The following MACC1 variants were observed in gnomAD, a reference collection of about 807,000 sequenced individuals.
The protein encoded by MACC1 is MET transcriptional regulator MACC1.
Under a neutral mutation model 70.7 loss-of-function variants are expected in MACC1, and 79 were observed. The ratio of observed to expected loss-of-function variants is 1.12; its 90% CI spans 0.93 to 1.35. MACC1 has a LOEUF of 1.35. MACC1 is among the 40% of genes most tolerant of loss of function. The probability of loss-of-function intolerance (pLI) is 0.00; values close to 1 mark genes in which losing one functional copy is unlikely to be tolerated. For synonymous variants in MACC1, 361 were observed against 347.2 expected (o/e 1.04, Z -0.44); for missense variants, 1,106 against 978.1 (o/e 1.13, Z -1.74).
chr7:20,191,656 A>G (rs1782674425), intron 1 of MACC1, among the ~76,000 whole-genome samples: 1 of 152,204 alleles, frequency 6.6e-6, no homozygotes, highest in African/African-American at 2.4e-5. Context: ...AAGGAGGCCC[A>G]GAAGCTGGAA....
intron 5 of MACC1, among the ~76,000 whole-genome samples, chr7:20,155,285 GAT>G (rs1782039207): frequency 1.3e-5 from 2 of 152,336 alleles, no homozygotes; most frequent in South Asian, 4.1e-4. Context: ...CTGTCCAGTG[GAT>G]GCCTGAAACT....
rs1781760168 is a variant in MACC1, at chr7:20,139,085, C to T, written c.*1861G>A. 1 of 152,180 alleles carries T rather than the reference C, an allele frequency of 6.6e-6. No individual in the cohort carries two copies. The allele number at this position is 152,180 out of a possible 1,614,324, so 9.4% of individuals were successfully genotyped here. A position where few individuals can be genotyped will look rare whatever the true frequency, so the allele number is the denominator to read the frequency against. ...TGCTTTTACTTTTTAGCCAAATGGA[C>T]ATCTTTTATTCAGGTTCCCAAAACA... is the stretch of plus-strand genomic sequence containing the variant. On this transcript the variant is annotated 3_prime_UTR_variant, in exon 7 of 7. Coordinates refer to ENST00000400331, the MANE Select transcript of MACC1 (RefSeq NM_182762.4).
intron 6 of MACC1, among the ~76,000 whole-genome samples, chr7:20,143,846 G>T (rs75959841): frequency 0.073 from 11,053 of 152,172 alleles, 1,163 homozygotes; most frequent in African/African-American, 0.23. Flanking sequence ...ATGCAAGGGG[G>T]AATATTGCCC....
chr7:20,147,291 A>C (rs1426000652), intron 6 of MACC1: 2 of 152,246 alleles, frequency 1.3e-5, no homozygotes, highest in Non-Finnish European at 2.9e-5. Flanking sequence ...ATTTCAGCAT[A>C]GCACTGTATG....
At chr7:20,150,946 G>A (rs1370581563) in intron 6 of MACC1, among the ~76,000 whole-genome samples, 1 of 152,088 alleles carries the variant, frequency 6.6e-6, no homozygotes, top group Non-Finnish European at 1.5e-5. Flanking sequence ...TACTTGGGAG[G>A]CTGAGGCAGG....
At chr7:20,191,719 G>A (rs552362185) in intron 1 of MACC1, among the ~76,000 whole-genome samples, 1 of 152,268 alleles carries the variant, frequency 6.6e-6, no homozygotes, top group Admixed American at 6.5e-5. Context: ...TCCCTTTCCA[G>A]GACCTCTCAC....
At position 20,177,210 on chromosome 7, in the gene MACC1, A is replaced by C. The variant is rs554960726; in HGVS notation, c.-217-6432T>G. ...TTAGTTTAAAATAAAAAGTCAAAAAACCGGAAATACACAAGCACAGAATGT... is the reference window on the plus strand; with the variant it reads ...TTAGTTTAAAATAAAAAGTCAAAAACCCGGAAATACACAAGCACAGAATGT... On this transcript the variant is annotated intron_variant, in intron 1 of 6. Transcript: ENST00000400331. 1.3e-4 allele frequency among the ~76,000 whole-genome samples: 20 copies of C among 152,264 alleles called. No individual in the cohort carries two copies. In the South Asian group the frequency reaches 3.7e-3, roughly 28 times the overall value.
chr7:20,209,585 G>C (rs1254254140), intron 1 of MACC1, among the ~76,000 whole-genome samples: 1 of 152,144 alleles, frequency 6.6e-6, no homozygotes, highest in East Asian at 1.9e-4. Flanking sequence ...ACTTGTTTTT[G>C]GTTTTACAGA....
At chr7:20,163,379 G>C (rs552955102) in intron 3 of MACC1, among the ~76,000 whole-genome samples, 107 of 152,314 alleles carry the variant, frequency 7.0e-4, no homozygotes, top group Middle Eastern at 6.8e-3. Context: ...CTAGGAAATA[G>C]GCTTACAGCC....
chr7:20,195,817 G>C (rs940937776), intron 1 of MACC1, among the ~76,000 whole-genome samples: 10 of 152,320 alleles, frequency 6.6e-5, no homozygotes, highest in African/African-American at 2.2e-4. Flanking sequence ...GAAAAAACTT[G>C]TTGCAGCTAG....
rs1001376055 is a variant in MACC1, at chr7:20,140,704, C to G, written c.*242G>C. On this transcript the variant is annotated 3_prime_UTR_variant, in exon 7 of 7. Coordinates refer to ENST00000400331, the MANE Select transcript of MACC1 (RefSeq NM_182762.4). Reference sequence around the variant, plus strand: ...ATACATATTTGAGGATAAAACCCATCTTGGTTATCAGTTAGGCTGTGCTTT... The same window carrying G: ...ATACATATTTGAGGATAAAACCCATGTTGGTTATCAGTTAGGCTGTGCTTT... 1 of 383,536 alleles carries G rather than the reference C, an allele frequency of 2.6e-6. No individual in the cohort carries two copies. 23.8% of individuals were successfully genotyped at this position (383,536 alleles called of 1,614,324 possible). A position where few individuals can be genotyped will look rare whatever the true frequency, so the allele number is the denominator to read the frequency against.
chr7:20,154,355 C>T lies in MACC1; in HGVS notation c.2184G>A (p.Glu728=), dbSNP rs555861182. ...IVALLKMDCQ[E]LVARLIQEAA... ...CTTCTTGGATGAGACGTGCGACTAA[C>T]TCTTGGCAATCCATTTTCAGAAGAG... Residue 728 remains glutamate (E), a synonymous_variant, in exon 6 of 7, where the codon GAG becomes GAA. Coordinates refer to ENST00000400331, the MANE Select transcript of MACC1 (RefSeq NM_182762.4). 1.1e-5 allele frequency: 18 copies of T among 1,613,684 alleles called. No individual in the cohort carries two copies. In the East Asian group the frequency reaches 3.8e-4, roughly 34 times the overall value.
intron 6 of MACC1, among the ~76,000 whole-genome samples, chr7:20,143,443 C>T (rs796405174): frequency 2.7e-4 from 41 of 152,258 alleles, no homozygotes; most frequent in African/African-American, 9.1e-4. Flanking sequence ...GGCTGGAGTG[C>T]AGTGGTGTGA....
intron 1 of MACC1, among the ~76,000 whole-genome samples, chr7:20,207,899 C>A (rs1403852571): frequency 6.6e-6 from 1 of 152,146 alleles, no homozygotes; most frequent in African/African-American, 2.4e-5. Context: ...GAATTGTAAT[C>A]CCCATAATCC....
At chr7:20,192,696 G>A (rs1462032740) in intron 1 of MACC1, among the ~76,000 whole-genome samples, 1 of 152,218 alleles carries the variant, frequency 6.6e-6, no homozygotes, top group African/African-American at 2.4e-5. Context: ...GGAGTAGTTT[G>A]CTATATAGCA....
intron 1 of MACC1, among the ~76,000 whole-genome samples, chr7:20,199,481 T>C (rs150302377): frequency 9.9e-4 from 151 of 152,386 alleles, no homozygotes; most frequent in Non-Finnish European, 1.6e-3. Context: ...CTTGCCTTGA[T>C]TGGCAGAATG....
chr7:20,185,245 A>C (rs1315188048), intron 1 of MACC1, among the ~76,000 whole-genome samples: 1 of 152,226 alleles, frequency 6.6e-6, no homozygotes, highest in Non-Finnish European at 1.5e-5. Flanking sequence ...TCAATATCCC[A>C]GCCATTTCTG....
chr7:20,151,227 G>A (rs1334987347), intron 6 of MACC1, among the ~76,000 whole-genome samples: 1 of 152,142 alleles, frequency 6.6e-6, no homozygotes, highest in Non-Finnish European at 1.5e-5. Context: ...GCTAAGTGAA[G>A]AGCACCCAAT....
intron 3 of MACC1, 22 bp from the exon 4 acceptor site, chr7:20,161,892 AT>A (rs1347562680): frequency 1.4e-6 from 2 of 1,420,982 alleles, no homozygotes; most frequent in South Asian, 2.3e-5. Flanking sequence ...ATAGATAAGT[AT>A]TTTTTGTAAG....
Sources: allele counts gnomAD v4.1 joint callset (sites outside exome capture counted in the v4.1 genomes callset), GRCh38; gene constraint gnomAD v4.1.1; transcripts MANE v1.5; gene names NCBI Gene and HGNC (gene_info 2026-07-23, HGNC 2026-07-21).